The following TAF3 variants were observed in gnomAD, a reference collection of about 807,000 sequenced individuals.
TAF3 encodes the protein transcription initiation factor TFIID subunit 3.
TAF3 carries 7 observed loss-of-function variants against 80.6 expected under a neutral mutation model. That is an observed-to-expected ratio of 0.09 (90% confidence interval 0.05 to 0.16). TAF3 has a LOEUF of 0.16. Among genes scored for constraint, TAF3 ranks in the 10% least tolerant of loss-of-function variants. TAF3 has a pLI of 1.00. For synonymous variants in TAF3, 444 were observed against 446.1 expected, an observed-to-expected ratio of 1.00 and a Z score of 0.06; for missense variants, 921 against 1,140.2, an observed-to-expected ratio of 0.81 and a Z score of 2.77.
intron 2 of TAF3, among the ~76,000 whole-genome samples, chr10:7,935,086 G>T (rs981856400): frequency 6.6e-6 from 1 of 152,064 alleles, no homozygotes; most frequent in African/African-American, 2.4e-5. Flanking sequence ...AGACCAGCCT[G>T]GCCAACATGG....
At chr10:7,843,455 A>G (rs1364474599) in intron 2 of TAF3, among the ~76,000 whole-genome samples, 1 of 151,806 alleles carries the variant, frequency 6.6e-6, no homozygotes, top group East Asian at 1.9e-4. Context: ...TCATTTTTTG[A>G]TCTGCTTTTA....
intron 2 of TAF3, among the ~76,000 whole-genome samples, chr10:7,838,164 T>C (rs1006785829): frequency 1.2e-4 from 18 of 152,156 alleles, no homozygotes; most frequent in African/African-American, 4.1e-4. Flanking sequence ...GGATTAGGGT[T>C]TAGTTGACTC....
Position 7,930,217 on chromosome 10 carries a change from A to G in TAF3, c.410-33703A>G, listed in dbSNP as rs143284199. Among the ~76,000 whole-genome samples the G allele has an allele frequency of 7.2e-5, 11 of 152,336 alleles. No homozygotes were observed. In the East Asian group the frequency reaches 1.9e-3, roughly 27 times the overall value. ...TCTCAAAACAAACAAACAAAAAGAT[A>G]CAGCCTAAGAGAAATCCTAAAAGGC... On this transcript the variant is annotated intron_variant, in intron 2 of 6. Coordinates refer to ENST00000344293, the MANE Select transcript of TAF3 (RefSeq NM_031923.4).
At chr10:7,875,031 T>G (rs897868450) in intron 2 of TAF3, among the ~76,000 whole-genome samples, 1 of 152,180 alleles carries the variant, frequency 6.6e-6, no homozygotes, top group Non-Finnish European at 1.5e-5. Flanking sequence ...CAATTATAGA[T>G]AGCAGTTTGT....
chr10:7,865,993 GT>G (rs1837211140), intron 2 of TAF3, among the ~76,000 whole-genome samples: 1 of 152,262 alleles, frequency 6.6e-6, no homozygotes, highest in South Asian at 2.1e-4. Context: ...CTTGACTTTC[GT>G]TTTACCCAAT....
intron 2 of TAF3, among the ~76,000 whole-genome samples, chr10:7,835,462 A>G (rs1836843075): frequency 6.6e-6 from 1 of 151,922 alleles, no homozygotes; most frequent in African/African-American, 2.4e-5. Flanking sequence ...TTCCTCCACC[A>G]CTTTTACCTG....
At chr10:7,865,634 T>C (rs566968324) in intron 2 of TAF3, among the ~76,000 whole-genome samples, 20 of 152,134 alleles carry the variant, frequency 1.3e-4, no homozygotes, top group Non-Finnish European at 2.5e-4. Flanking sequence ...CCCGGCAGGG[T>C]GGATGCAGCC....
chr10:7,971,991 T>C (rs1831627532), intron 3 of TAF3, among the ~76,000 whole-genome samples: 1 of 152,246 alleles, frequency 6.6e-6, no homozygotes, highest in Admixed American at 6.5e-5. Context: ...TTTACCTCTT[T>C]GGTGAATTGG....
At chr10:7,856,905 A>G (rs1837086359) in intron 2 of TAF3, among the ~76,000 whole-genome samples, 1 of 148,796 alleles carries the variant, frequency 6.7e-6, no homozygotes, top group Non-Finnish European at 1.5e-5. Flanking sequence ...TCACAAGTTT[A>G]TTTTACTAAC....
At chr10:7,978,124 C>T (rs147892856) in intron 4 of TAF3, among the ~76,000 whole-genome samples, 1 of 152,060 alleles carries the variant, frequency 6.6e-6, no homozygotes, top group Non-Finnish European at 1.5e-5. Flanking sequence ...AATTCTACAA[C>T]CTTACTTTTC....
At chr10:7,901,899 T>C (rs1837561818) in intron 2 of TAF3, among the ~76,000 whole-genome samples, 1 of 152,198 alleles carries the variant, frequency 6.6e-6, no homozygotes, top group Non-Finnish European at 1.5e-5. Flanking sequence ...TTGGAAGGTA[T>C]ATTCCAAATT....
intron 2 of TAF3, among the ~76,000 whole-genome samples, chr10:7,869,261 CTG>C (rs933023279): frequency 2.7e-5 from 4 of 150,764 alleles, no homozygotes; most frequent in Non-Finnish European, 5.9e-5. Context: ...GTGTGTGTGT[CTG>C]TGTGTGTGTG....
intron 2 of TAF3, among the ~76,000 whole-genome samples, chr10:7,907,925 A>T (rs753971054): frequency 6.6e-6 from 1 of 152,178 alleles, no homozygotes; most frequent in Non-Finnish European, 1.5e-5. Flanking sequence ...GCAGGAGTCG[A>T]TGGGGACTGA....
At chr10:7,959,164 A>AC (rs1491532401) in intron 2 of TAF3, among the ~76,000 whole-genome samples, 6 of 109,440 alleles carry the variant, frequency 5.5e-5, no homozygotes, top group South Asian at 7.5e-4. Context: ...ACACACACAC[A>AC]AAAAAAGTTT....
At position 7,940,052 on chromosome 10, in the gene TAF3, GA is replaced by G. The variant is rs374443718; in HGVS notation, c.410-23865del. On this transcript the variant is annotated intron_variant, in intron 2 of 6. Coordinates refer to ENST00000344293, the MANE Select transcript of TAF3 (RefSeq NM_031923.4). The stretch of plus-strand genomic sequence containing the variant: ...ATTAGAGGAAACCAGAGATTAGGAG[GA>G]AATTATATGTGCTTGCCAGTCACAT... Among the ~76,000 whole-genome samples, 58 of 152,306 alleles carry G rather than the reference GA, an allele frequency of 3.8e-4. 1 individual carries two copies. Among genetic ancestry groups the G allele is most frequent in the Admixed American group, 1.2e-3 (18 of 15,294 alleles).
intron 2 of TAF3, among the ~76,000 whole-genome samples, chr10:7,896,354 G>A (rs1442439947): frequency 6.6e-6 from 1 of 152,136 alleles, no homozygotes; most frequent in Non-Finnish European, 1.5e-5. Context: ...TTCTAATGCT[G>A]TCCTGTGCAA....
chr10:7,945,836 C>G (rs1282849317), intron 2 of TAF3, among the ~76,000 whole-genome samples: 1 of 152,232 alleles, frequency 6.6e-6, no homozygotes, highest in African/African-American at 2.4e-5. Context: ...TACTGTCTCC[C>G]TAGCACTTAC....
chr10:7,929,258 TG>T (rs1837844472), intron 2 of TAF3, among the ~76,000 whole-genome samples: 1 of 104,162 alleles, frequency 9.6e-6, no homozygotes, highest in African/African-American at 2.8e-5. Context: ...TTTTTTTTGT[TG>T]TTTTTTTTTT....
intron 2 of TAF3, among the ~76,000 whole-genome samples, chr10:7,937,921 C>T (rs912822093): frequency 3.9e-5 from 6 of 152,064 alleles, no homozygotes; most frequent in South Asian, 4.1e-4. Context: ...GAACAGAACC[C>T]GCTTTTAAGA....
Sources: allele counts gnomAD v4.1 joint callset (sites outside exome capture counted in the v4.1 genomes callset), GRCh38; gene constraint gnomAD v4.1.1; transcripts MANE v1.5; gene names NCBI Gene and HGNC (gene_info 2026-07-23, HGNC 2026-07-21).